Variants in RNF13 observed in about 807,000 individuals in gnomAD.
RNF13 encodes ring finger protein 13, also known as E3 ubiquitin-protein ligase RNF13.
RNF13 carries 19 observed loss-of-function variants against 37.7 expected under a neutral mutation model. The observed-to-expected ratio is 0.50, with a 90% CI of 0.35 to 0.74. RNF13 has a LOEUF of 0.74. RNF13 is among the 30% of genes least tolerant of loss of function. The probability of loss-of-function intolerance (pLI) is 0.01; values close to 1 mark genes in which losing one functional copy is unlikely to be tolerated. For missense variants in RNF13, 375 were observed against 453.0 expected (o/e 0.83, Z 1.56); for synonymous variants, 144 against 157.8 (o/e 0.91, Z 0.65).
chr3:149,897,996 C>T (rs1254004948), intron 5 of RNF13, among the ~76,000 whole-genome samples: 1 of 152,156 alleles, frequency 6.6e-6, no homozygotes, highest in East Asian at 1.9e-4. Flanking sequence ...AACTTCAGAA[C>T]CAGGAAATAT....
intron 4 of RNF13, among the ~76,000 whole-genome samples, chr3:149,885,270 G>T (rs1576821182): frequency 1.3e-5 from 2 of 151,952 alleles, no homozygotes; most frequent in East Asian, 3.9e-4. Flanking sequence ...GGATCATATG[G>T]CAGCTCTATT....
chr3:149,915,044 C>A (rs1226009339), intron 7 of RNF13, among the ~76,000 whole-genome samples: 1 of 151,716 alleles, frequency 6.6e-6, no homozygotes, highest in Non-Finnish European at 1.5e-5. Flanking sequence ...CAGTATAAGT[C>A]GTGGACATAA....
At chr3:149,894,690 G>A (rs1056761418) in intron 4 of RNF13, among the ~76,000 whole-genome samples, 57 of 151,984 alleles carry the variant, frequency 3.8e-4, no homozygotes, top group African/African-American at 1.3e-3. Context: ...TCAAAACTAT[G>A]TATATATATG....
intron 8 of RNF13, among the ~76,000 whole-genome samples, chr3:149,959,669 T>TAAAC (rs1722193669): frequency 1.3e-5 from 2 of 148,164 alleles, no homozygotes; most frequent in African/African-American, 5.3e-5. Context: ...CTAATATAGT[T>TAAAC]AAACATTTGA....
chr3:149,941,143 A>G (rs767219573), intron 8 of RNF13, among the ~76,000 whole-genome samples: 1 of 152,176 alleles, frequency 6.6e-6, no homozygotes, highest in Non-Finnish European at 1.5e-5. Context: ...TCTATTATAA[A>G]TAATGCTTCC....
intron 9 of RNF13, among the ~76,000 whole-genome samples, chr3:149,960,472 TC>T (rs1269080316): frequency 7.3e-5 from 11 of 151,540 alleles, no homozygotes; most frequent in East Asian, 3.9e-4. Flanking sequence ...GCGCCTGTAG[TC>T]CCCAGCTACT....
chr3:149,816,123 CT>C (rs1719425910), intron 1 of RNF13, among the ~76,000 whole-genome samples: 1 of 146,538 alleles, frequency 6.8e-6, no homozygotes, highest in Admixed American at 7.0e-5. Context: ...TGGTATGAAA[CT>C]TTAGGGTTCA....
chr3:149,895,247 T>C (rs1715121206), intron 4 of RNF13: 1 of 367,348 alleles, frequency 2.7e-6, no homozygotes, highest in African/African-American at 2.1e-5. Flanking sequence ...CACTAATTCA[T>C]GGCAGAGGTG....
intron 8 of RNF13, among the ~76,000 whole-genome samples, chr3:149,936,178 C>G (rs1264008399): frequency 1.3e-5 from 2 of 151,316 alleles, no homozygotes; most frequent in Non-Finnish European, 2.9e-5. Context: ...TGTTTTTGAC[C>G]TTTGAGAATT....
chr3:149,873,326 G>A (rs1464798126), intron 4 of RNF13, among the ~76,000 whole-genome samples: 1 of 152,136 alleles, frequency 6.6e-6, no homozygotes, highest in Non-Finnish European at 1.5e-5. Context: ...TATAGGCAGG[G>A]ATGGCAGATG....
At chr3:149,937,888 A>G (rs1173074640) in intron 8 of RNF13, among the ~76,000 whole-genome samples, 1 of 152,044 alleles carries the variant, frequency 6.6e-6, no homozygotes, top group African/African-American at 2.4e-5. Flanking sequence ...CTGGAAAGGA[A>G]TGTATATTCT....
intron 1 of RNF13, among the ~76,000 whole-genome samples, chr3:149,842,564 C>T (rs748878079): frequency 1.3e-5 from 2 of 152,132 alleles, no homozygotes; most frequent in African/African-American, 4.8e-5. Context: ...TGTATAAATT[C>T]CATATTTTTT....
chr3:149,874,838 C>T (rs1349648080), intron 4 of RNF13, among the ~76,000 whole-genome samples: 1 of 152,104 alleles, frequency 6.6e-6, no homozygotes, highest in Non-Finnish European at 1.5e-5. Context: ...GAATCGCACC[C>T]TAAAGAAGAT....
chr3:149,898,919 A>AAGT lies in RNF13; in HGVS notation c.410-3152_410-3150dup, dbSNP rs574677040. The stretch of plus-strand genomic sequence containing the variant: ...GCATTGCAATTTGAGCACCGATCTA[A>AAGT]AGTTAGAGGCTGAGTCATGCAGATT... On this transcript the variant is annotated intron_variant, in intron 5 of 9. Coordinates refer to ENST00000392894, the MANE Select transcript of RNF13 (RefSeq NM_183381.3). Among the ~76,000 whole-genome samples, 308 of 152,318 alleles carry AAGT rather than the reference A, an allele frequency of 2.0e-3. 1 individual carries two copies. Among genetic ancestry groups the AAGT allele is most frequent in the Non-Finnish European group, 3.4e-3 (231 of 68,030 alleles).
intron 2 of RNF13, among the ~76,000 whole-genome samples, chr3:149,849,685 C>T (rs553635059): frequency 6.6e-6 from 1 of 152,272 alleles, no homozygotes; most frequent in South Asian, 2.1e-4. Flanking sequence ...TTTCAACATT[C>T]TGTTGTCAAT....
chr3:149,934,534 CTG>C (rs1719488573), intron 8 of RNF13, among the ~76,000 whole-genome samples: 1 of 151,994 alleles, frequency 6.6e-6, no homozygotes, highest in Non-Finnish European at 1.5e-5. Flanking sequence ...TTTTGATATG[CTG>C]TGTTTCCATT....
chr3:149,962,051 T>TAATC lies in RNF13; in HGVS notation c.*950_*953dup, dbSNP rs1372590722. The stretch of plus-strand genomic sequence containing the variant: ...TATGTAGAAAGTGTAGACTAATGTA[T>TAATC]AATCAAAATGCTAAGGATTTTTATA... On this transcript the variant is annotated 3_prime_UTR_variant, in exon 10 of 10. Coordinates refer to ENST00000392894, the MANE Select transcript of RNF13 (RefSeq NM_183381.3). The TAATC allele has an allele frequency of 6.6e-6, 1 of 152,656 alleles. No homozygotes were observed. Among genetic ancestry groups the TAATC allele is most frequent in the Non-Finnish European group, 1.5e-5 (1 of 68,036 alleles). The allele number at this position is 152,656 out of a possible 1,614,324, so 9.5% of individuals were successfully genotyped here.
chr3:149,874,513 G>A (rs1474196795), intron 4 of RNF13, among the ~76,000 whole-genome samples: 2 of 152,096 alleles, frequency 1.3e-5, no homozygotes, highest in African/African-American at 4.8e-5. Context: ...ACAGCACCTT[G>A]CACACAGGAA....
intron 5 of RNF13, among the ~76,000 whole-genome samples, chr3:149,900,920 A>G (rs1399983130): frequency 6.6e-6 from 1 of 152,118 alleles, no homozygotes; most frequent in Non-Finnish European, 1.5e-5. Flanking sequence ...CTAGAAGTGA[A>G]AAAAACTTAC....
Sources: allele counts gnomAD v4.1 joint callset (sites outside exome capture counted in the v4.1 genomes callset), GRCh38; gene constraint gnomAD v4.1.1; transcripts MANE v1.5; gene names NCBI Gene and HGNC (gene_info 2026-07-23, HGNC 2026-07-21).